Variants in HTT observed in about 807,000 individuals in gnomAD.
HTT encodes the protein huntingtin.
In HTT, 104 loss-of-function variants were observed where a neutral mutation model predicts 362.3. The ratio of observed to expected loss-of-function variants is 0.29; its 90% CI spans 0.24 to 0.34. HTT has a LOEUF of 0.34. Ranked by LOEUF, HTT falls within the 10% of genes least tolerant of loss-of-function variation. HTT has a pLI of 1.00. For synonymous variants in HTT, 1,577 were observed against 1,548.7 expected, an observed-to-expected ratio of 1.02 and a Z score of -0.43; for missense variants, 3,301 against 3,928.6, an observed-to-expected ratio of 0.84 and a Z score of 4.27.
Position 3,238,960 on chromosome 4 carries a change from G to T in HTT, c.9197G>T (p.Ser3066Ile). 6.2e-7 allele frequency: 1 copy of T among 1,607,938 alleles called. No homozygotes were observed. The change falls in exon 66 of 67, where the codon AGC (serine) becomes ATC (isoleucine). Residue 3066 changes from serine (S) to isoleucine (I), a missense_variant. By Grantham distance (142) the Ser-to-Ile change is moderately radical. This residue lies in a region of HTT where 753 missense variants were observed against 1,021.3 expected (regional missense o/e 0.74). Transcript: ENST00000355072. ...TGCTTCTTTGTCAGCGCGTCCACCA[G>T]CCCGTGGGTCGCGGCGATGTATCCT... ...LSCFFVSASTSPWVAAILPHV... is the reference protein window; with the variant it reads ...LSCFFVSASTIPWVAAILPHV...
At chr4:3,158,279 G>A (rs1331136026) in intron 28 of HTT, among the ~76,000 whole-genome samples, 1 of 152,154 alleles carries the variant, frequency 6.6e-6, no homozygotes, top group African/African-American at 2.4e-5. Flanking sequence ...AACTGCACCC[G>A]GCTACAAGTA....
intron 54 of HTT, among the ~76,000 whole-genome samples, 196 bp from the exon 55 acceptor site, chr4:3,223,210 G>A (rs1322099355): frequency 6.6e-6 from 1 of 152,224 alleles, no homozygotes; most frequent in Non-Finnish European, 1.5e-5. Flanking sequence ...ATGGGCTTTT[G>A]CCCATCAGAT....
intron 39 of HTT, chr4:3,188,640 A>G (rs1042546565): frequency 4.6e-6 from 1 of 217,726 alleles, no homozygotes; most frequent in Non-Finnish European, 9.1e-6. Flanking sequence ...GTCGCATTGA[A>G]GCAGCTGGCT....
intron 6 of HTT, among the ~76,000 whole-genome samples, chr4:3,114,131 C>T (rs993921885): frequency 1.3e-5 from 2 of 152,086 alleles, no homozygotes; most frequent in Non-Finnish European, 2.9e-5. Context: ...GGGGATGGGC[C>T]GAATTAAAAG....
chr4:3,235,567 G>A lies in HTT; in HGVS notation c.8574G>A (p.Met2858Ile). The change falls in exon 63 of 67, where the codon ATG becomes ATA. Residue 2858 changes from methionine (M) to isoleucine (I), a missense_variant and splice_region_variant. Met to Ile is a conservative substitution (Grantham distance 10, BLOSUM62 1). Around this residue, in one of 4 missense-constraint regions of HTT, gnomAD observed 753 missense variants for 1,021.3 expected, o/e 0.74. Transcript: ENST00000355072. ...GPEFSASIIQMCGVMLSGSEE... is the reference protein window; with the variant it reads ...GPEFSASIIQICGVMLSGSEE... The stretch of plus-strand genomic sequence containing the variant: ...CAGAGGCCTTTCTCCCTGTGCAGAT[G>A]TGTGGGGTGATGCTGTCTGGAAGTG... 1 of 1,613,842 alleles carries A rather than the reference G, an allele frequency of 6.2e-7. No individual in the cohort carries two copies. Among genetic ancestry groups the A allele is most frequent in the South Asian group, 1.1e-5 (1 of 91,086 alleles).
In HTT at chr4:3,238,432, C is replaced by T. The variant is rs2071704; in HGVS notation, c.8892-15C>T. The stretch of plus-strand genomic sequence containing the variant: ...GGAGCTGGTGCCAGTCTCTGACCTG[C>T]GTCCCTCCTCCCAGGATCAGGAAAG... On this transcript the variant is annotated splice_polypyrimidine_tract_variant and intron_variant, in intron 64 of 66. Coordinates refer to ENST00000355072, the MANE Select transcript of HTT (RefSeq NM_001388492.1). The T allele has an allele frequency of 0.42, 663,884 of 1,592,536 alleles. 141,175 individuals are homozygous for T. Among genetic ancestry groups the T allele is most frequent in the African/African-American group, 0.54 (39,932 of 74,518 alleles).
chr4:3,108,392 A>G (rs1390890904), intron 6 of HTT, among the ~76,000 whole-genome samples: 1 of 150,570 alleles, frequency 6.6e-6, no homozygotes, highest in Non-Finnish European at 1.5e-5. Context: ...ATATTTCTTC[A>G]TGCTCAGTAA....
In HTT at chr4:3,074,966, G is replaced by GCCGCCGCCGCCGCCT. The variant is rs1553909074; in HGVS notation, c.143_144insGCCGCCGCCGCCTCC (p.Pro45_Pro49dup). On this transcript the variant is annotated inframe_insertion, in exon 1 of 67. Coordinates refer to ENST00000355072, the MANE Select transcript of HTT (RefSeq NM_001388492.1). Reference sequence around the variant, plus strand: ...CGCCACCGCCGCCGCCGCCGCCGCCGCCTCCTCAGCTTCCTCAGCCGCCGC... The same window carrying GCCGCCGCCGCCGCCT: ...CGCCACCGCCGCCGCCGCCGCCGCCGCCGCCGCCGCCGCCTCCTCCTCAGCTTCCTCAGCCGCCGC... 2.1e-6 allele frequency: 3 copies of GCCGCCGCCGCCGCCT among 1,450,494 alleles called. No homozygotes were observed. In the African/African-American group the frequency reaches 4.8e-5, roughly 23 times the overall value. The allele number at this position is 1,450,494 out of a possible 1,614,324, so 89.9% of individuals were successfully genotyped here.
At position 3,242,199 on chromosome 4, in the gene HTT, A is replaced by C. The variant is rs759488296; in HGVS notation, c.*2140A>C. On this transcript the variant is annotated 3_prime_UTR_variant, in exon 67 of 67. Coordinates refer to ENST00000355072, the MANE Select transcript of HTT (RefSeq NM_001388492.1). ...AAACAGAGCCATTCCCTTGGAATGC[A>C]TATCGCTGGGCTCAACATAGAGTTT... 3 of 152,200 alleles carry C rather than the reference A, an allele frequency of 2.0e-5. No homozygotes were observed. The highest frequency in any genetic ancestry group is 2.0e-4 in the Admixed American group (3 of 15,286). The allele number at this position is 152,200 out of a possible 1,614,324, so 9.4% of individuals were successfully genotyped here. A position where few individuals can be genotyped will look rare whatever the true frequency, so the allele number is the denominator to read the frequency against.
intron 26 of HTT, 55 bp from the exon 27 acceptor site, chr4:3,154,238 A>G (rs1237515361): frequency 1.5e-6 from 2 of 1,348,044 alleles, no homozygotes; most frequent in East Asian, 5.0e-5. Flanking sequence ...GTTTTGTTAT[A>G]CTTCCATCAC....
chr4:3,105,493 T>G, intron 5 of HTT, 57 bp downstream of exon 5: 2 of 1,120,390 alleles, frequency 1.8e-6, no homozygotes, highest in Non-Finnish European at 2.7e-6. Flanking sequence ...TACTGATCCT[T>G]TATGTCTCAG....
chr4:3,189,477 A>G (rs1403751176), intron 40 of HTT, among the ~76,000 whole-genome samples: 1 of 152,230 alleles, frequency 6.6e-6, no homozygotes, highest in East Asian at 1.9e-4. Flanking sequence ...ATGCTACAAC[A>G]TGGGTGACCC....
chr4:3,226,570 G>A (rs1183035135), intron 57 of HTT, among the ~76,000 whole-genome samples: 1 of 152,232 alleles, frequency 6.6e-6, no homozygotes, highest in Non-Finnish European at 1.5e-5. Context: ...GGCTGTGCTG[G>A]CCGACTTGCA....
chr4:3,183,863 G>T (rs970995561), intron 37 of HTT, among the ~76,000 whole-genome samples: 4 of 152,202 alleles, frequency 2.6e-5, no homozygotes, highest in Admixed American at 2.0e-4. Flanking sequence ...GCACCTGCCA[G>T]GTAGCTCACC....
chr4:3,154,148 A>G (rs913344560), intron 26 of HTT, 145 bp from the exon 27 acceptor site: 2 of 627,716 alleles, frequency 3.2e-6, no homozygotes, highest in Non-Finnish European at 5.5e-6. Flanking sequence ...TGAACTGTAC[A>G]TATCAGGGTC....
Position 3,077,314 on chromosome 4 carries a change from A to G in HTT, c.263+2226A>G, listed in dbSNP as rs149726961. On this transcript the variant is annotated intron_variant, in intron 1 of 66. Coordinates refer to ENST00000355072, the MANE Select transcript of HTT (RefSeq NM_001388492.1). ...CTCTGAGTACCTAACTTTGTCCCCAAGAACAAGCACTATTTCAGTTCCTCA... is the reference window on the plus strand; with the variant it reads ...CTCTGAGTACCTAACTTTGTCCCCAGGAACAAGCACTATTTCAGTTCCTCA... Among the ~76,000 whole-genome samples, 284 of 152,306 alleles carry G rather than the reference A, an allele frequency of 1.9e-3. 1 individual carries two copies. Among genetic ancestry groups the G allele is most frequent in the Middle Eastern group, 6.8e-3 (2 of 294 alleles).
chr4:3,212,544 A>G lies in HTT; in HGVS notation c.6629-20A>G, dbSNP rs921397510. ...TCTGTGCTCACGTTTGCACCCACCC[A>G]CGAGGTCCTTCTGTTTCAGGGGATG... On this transcript the variant is annotated intron_variant, in intron 48 of 66. Transcript: ENST00000355072. 1.9e-6 allele frequency: 3 copies of G among 1,611,564 alleles called. No homozygotes were observed. Among genetic ancestry groups the G allele is most frequent in the Non-Finnish European group, 2.5e-6 (3 of 1,178,086 alleles).
chr4:3,131,293 G>A lies in HTT; in HGVS notation c.1994G>A (p.Arg665His), dbSNP rs556061424. 11 of 1,611,242 alleles carry A rather than the reference G, an allele frequency of 6.8e-6. No individual in the cohort carries two copies. The highest frequency in any genetic ancestry group is 3.3e-5 in the Admixed American group (2 of 60,008). Residue 665 changes from arginine (R) to histidine (H), a missense_variant, in exon 15 of 67, where the codon CGC becomes CAC. By Grantham distance (29) the Arg-to-His change is conservative. This residue lies in a region of HTT where 2,316 missense variants were observed against 2,658.5 expected (regional missense o/e 0.87). Coordinates refer to ENST00000355072, the MANE Select transcript of HTT (RefSeq NM_001388492.1). ...TCATTGTCTCCTTTCTAGCCTTGCC[G>A]CATCAAAGGTGACATTGGACAGTCC... ...EPGDQENKPCRIKGDIGQSTD... is the reference protein window; with the variant it reads ...EPGDQENKPCHIKGDIGQSTD...
intron 1 of HTT, among the ~76,000 whole-genome samples, chr4:3,081,427 T>C (rs1712891462): frequency 1.3e-5 from 2 of 152,210 alleles, no homozygotes. Flanking sequence ...TATTTGATTA[T>C]TTTGGTCAAC....
Sources: allele counts gnomAD v4.1 joint callset (sites outside exome capture counted in the v4.1 genomes callset), GRCh38; gene constraint gnomAD v4.1.1; regional missense constraint gnomAD v4.1.1; transcripts MANE v1.5; gene names NCBI Gene and HGNC (gene_info 2026-07-23, HGNC 2026-07-21).